The following NDUFAF2 variants were observed in gnomAD, a reference collection of about 807,000 sequenced individuals.
NDUFAF2 encodes NADH:ubiquinone oxidoreductase complex assembly factor 2, also known as NADH dehydrogenase [ubiquinone] 1 alpha subcomplex assembly factor 2.
Under a neutral mutation model 22.8 loss-of-function variants are expected in NDUFAF2, and 13 were observed. That is an observed-to-expected ratio of 0.57 (90% CI 0.37 to 0.91). The LOEUF is 0.91. Among genes scored for constraint, NDUFAF2 ranks in the 40% least tolerant of loss-of-function variants. The pLI is 0.01. For missense variants in NDUFAF2, 162 were observed against 195.2 expected (o/e 0.83, Z 1.01); for synonymous variants, 53 against 64.2 (o/e 0.83, Z 0.84).
chr5:61,085,831 T>C (rs1307343957), intron 2 of NDUFAF2, among the ~76,000 whole-genome samples: 2 of 152,086 alleles, frequency 1.3e-5, no homozygotes, highest in East Asian at 3.9e-4. Flanking sequence ...ACATAAAATA[T>C]CAGCCGGGTG....
chr5:61,076,345 A>G (rs778059541), intron 2 of NDUFAF2, among the ~76,000 whole-genome samples: 2 of 152,200 alleles, frequency 1.3e-5, no homozygotes, highest in Non-Finnish European at 2.9e-5. Context: ...AAGTGCTGGG[A>G]TTACAGGCGT....
chr5:60,998,352 A>T (rs1751254055), intron 1 of NDUFAF2, among the ~76,000 whole-genome samples: 1 of 152,162 alleles, frequency 6.6e-6, no homozygotes, highest in South Asian at 2.1e-4. Flanking sequence ...ATTATGAAAT[A>T]AGGTATGTGA....
intron 1 of NDUFAF2, among the ~76,000 whole-genome samples, chr5:60,959,944 A>T (rs1320771338): frequency 6.6e-6 from 1 of 152,196 alleles, no homozygotes; most frequent in Admixed American, 6.5e-5. Flanking sequence ...TTACTTATAC[A>T]AATAGTACCA....
intron 1 of NDUFAF2, among the ~76,000 whole-genome samples, chr5:60,988,857 A>T (rs1751119127): frequency 6.6e-6 from 1 of 152,208 alleles, no homozygotes; most frequent in Non-Finnish European, 1.5e-5. Context: ...CATTCTGGAC[A>T]TAGGAACTGG....
intron 1 of NDUFAF2, among the ~76,000 whole-genome samples, chr5:60,979,249 C>T (rs747839796): frequency 4.3e-4 from 66 of 152,086 alleles, no homozygotes; most frequent in Non-Finnish European, 2.4e-4. Flanking sequence ...GTGGTGGCTA[C>T]GGGTAATGAC....
chr5:61,073,933 C>T (rs1253299807), intron 2 of NDUFAF2, among the ~76,000 whole-genome samples: 4 of 152,150 alleles, frequency 2.6e-5, no homozygotes, highest in African/African-American at 4.8e-5. Flanking sequence ...GAGAAGAAAA[C>T]GGAAACTAGT....
intron 1 of NDUFAF2, among the ~76,000 whole-genome samples, chr5:61,068,293 T>C (rs866390807): frequency 6.6e-6 from 1 of 152,122 alleles, no homozygotes; most frequent in Non-Finnish European, 1.5e-5. Context: ...CTTTTTTACT[T>C]TTATCTTCAC....
chr5:60,982,389 T>C lies in NDUFAF2; in HGVS notation c.127+37007T>C, dbSNP rs543062145. Among the ~76,000 whole-genome samples, 236 of 152,196 alleles carry C rather than the reference T, an allele frequency of 1.6e-3. 2 individuals carry two copies. The highest frequency in any genetic ancestry group is 5.5e-3 in the African/African-American group (229 of 41,534). ...TTGTGCAGGGAAACTCCCGTTTTTATTTTTTAATTTTTTAAATTTTTTGTT... is the reference window on the plus strand; with the variant it reads ...TTGTGCAGGGAAACTCCCGTTTTTACTTTTTAATTTTTTAAATTTTTTGTT... On this transcript the variant is annotated intron_variant, in intron 1 of 3. Transcript: ENST00000296597.
At chr5:61,148,947 G>T (rs566364148) in intron 3 of NDUFAF2, among the ~76,000 whole-genome samples, 1 of 152,250 alleles carries the variant, frequency 6.6e-6, no homozygotes, top group Admixed American at 6.5e-5. Context: ...ACAAAAGGAA[G>T]ATACTTCCAT....
At chr5:61,080,354 A>T (rs971118852) in intron 2 of NDUFAF2, among the ~76,000 whole-genome samples, 1 of 152,194 alleles carries the variant, frequency 6.6e-6, no homozygotes, top group Non-Finnish European at 1.5e-5. Context: ...TTTATAAAAA[A>T]CTGCCAAGAT....
At chr5:61,126,363 AG>A (rs1753035878) in intron 3 of NDUFAF2, among the ~76,000 whole-genome samples, 1 of 152,050 alleles carries the variant, frequency 6.6e-6, no homozygotes, top group Non-Finnish European at 1.5e-5. Context: ...AACAAGAAAA[AG>A]GTTTATTTTA....
intron 1 of NDUFAF2, among the ~76,000 whole-genome samples, chr5:60,988,406 A>T (rs1429724625): frequency 6.6e-6 from 1 of 152,144 alleles, no homozygotes; most frequent in East Asian, 1.9e-4. Context: ...CAATAGCATT[A>T]TTCACAGAAC....
In NDUFAF2 at chr5:61,066,083, C is replaced by T. The variant is rs190952751; in HGVS notation, c.128-7042C>T. On this transcript the variant is annotated intron_variant, in intron 1 of 3. Coordinates refer to ENST00000296597, the MANE Select transcript of NDUFAF2 (RefSeq NM_174889.5). Reference sequence around the variant, plus strand: ...TAATACACAACCTAACTGAAAAAGACGTAAAGAAACCATCCCATTTATGAC... The same window carrying T: ...TAATACACAACCTAACTGAAAAAGATGTAAAGAAACCATCCCATTTATGAC... 3.5e-3 allele frequency among the ~76,000 whole-genome samples: 535 copies of T among 151,850 alleles called. 5 individuals are homozygous for T. The highest frequency in any genetic ancestry group is 4.0e-3 in the Non-Finnish European group (274 of 67,884).
chr5:61,007,029 T>C (rs1291000505), intron 1 of NDUFAF2, among the ~76,000 whole-genome samples: 1 of 152,144 alleles, frequency 6.6e-6, no homozygotes, highest in Non-Finnish European at 1.5e-5. Flanking sequence ...CTTTATCAGA[T>C]GGGTAGGTTG....
intron 3 of NDUFAF2, among the ~76,000 whole-genome samples, chr5:61,151,911 AAATATT>A (rs1439419458): frequency 6.6e-6 from 1 of 152,228 alleles, no homozygotes; most frequent in African/African-American, 2.4e-5. Context: ...GTATCTTTTC[AAATATT>A]AATATCTCTG....
At chr5:60,963,358 G>C (rs1750715936) in intron 1 of NDUFAF2, among the ~76,000 whole-genome samples, 1 of 152,166 alleles carries the variant, frequency 6.6e-6, no homozygotes, top group Non-Finnish European at 1.5e-5. Flanking sequence ...AGGAATTCTT[G>C]GATGTAAATA....
intron 2 of NDUFAF2, among the ~76,000 whole-genome samples, chr5:61,083,590 C>G (rs1221037821): frequency 6.9e-6 from 1 of 145,084 alleles, no homozygotes; most frequent in African/African-American, 2.4e-5. Context: ...CATCCTTTCA[C>G]CATGTTGAGA....
At chr5:61,052,562 G>A (rs1412558959) in intron 1 of NDUFAF2, among the ~76,000 whole-genome samples, 1 of 152,008 alleles carries the variant, frequency 6.6e-6, no homozygotes, top group South Asian at 2.1e-4. Flanking sequence ...CGCCCGCCTC[G>A]GCCTCCCAAA....
At chr5:61,067,321 C>A (rs1360772346) in intron 1 of NDUFAF2, among the ~76,000 whole-genome samples, 3 of 149,128 alleles carry the variant, frequency 2.0e-5, no homozygotes, top group Non-Finnish European at 4.5e-5. Context: ...CCCCCTACCC[C>A]ACAACAGTCC....
Sources: gnomAD v4.1 joint callset for allele counts (sites outside exome capture counted in the v4.1 genomes callset) on GRCh38, gnomAD v4.1.1 for gene constraint, MANE v1.5 for transcripts, NCBI Gene and HGNC (gene_info 2026-07-23, HGNC 2026-07-21) for gene names.